Variants in MCPH1 observed in about 807,000 individuals in gnomAD.
MCPH1 encodes the protein microcephalin 1, also known as microcephalin.
A neutral mutation model predicts 84.5 loss-of-function variants in MCPH1; 104 were observed. That is an observed-to-expected ratio of 1.23 (90% CI 1.05 to 1.45). The LOEUF (loss-of-function observed/expected upper bound fraction) is 1.45. MCPH1 is among the 40% of genes most tolerant of loss of function. The pLI is 0.00. For missense variants in MCPH1, 1,498 were observed against 1,005.7 expected, an observed-to-expected ratio of 1.49 and a Z score of -6.62; for synonymous variants, 514 against 366.8, an observed-to-expected ratio of 1.40 and a Z score of -4.58.
chr8:6,590,340 C>T (rs1178699926), intron 12 of MCPH1, among the ~76,000 whole-genome samples: 1 of 152,120 alleles, frequency 6.6e-6, no homozygotes, highest in Non-Finnish European at 1.5e-5. Context: ...TCACCTCATG[C>T]ATGAAGTGAA....
At chr8:6,632,231 G>A (rs372658192) in intron 13 of MCPH1, among the ~76,000 whole-genome samples, 76 of 152,260 alleles carry the variant, frequency 5.0e-4, no homozygotes, top group African/African-American at 1.8e-3. Flanking sequence ...ACTCAGTTTT[G>A]GATAATGAGA....
chr8:6,480,694 T>A lies in MCPH1; in HGVS notation c.1974-20T>A, dbSNP rs1459974392. On this transcript the variant is annotated intron_variant, in intron 10 of 13. Transcript: ENST00000344683. Reference sequence around the variant, plus strand: ...GCAACAAAGTCATTCATTTTGTTAATTTTTCCCCCGATTTGACAGAAAGCA... The same window carrying A: ...GCAACAAAGTCATTCATTTTGTTAAATTTTCCCCCGATTTGACAGAAAGCA... The A allele has an allele frequency of 6.2e-7, 1 of 1,613,872 alleles. No individual in the cohort carries two copies.
At chr8:6,599,143 G>A (rs1360575587) in intron 12 of MCPH1, among the ~76,000 whole-genome samples, 1 of 152,218 alleles carries the variant, frequency 6.6e-6, no homozygotes, top group Non-Finnish European at 1.5e-5. Context: ...TCATGAGTAG[G>A]AAGTCCTCTT....
chr8:6,586,403 C>G (rs1294979194), intron 12 of MCPH1, among the ~76,000 whole-genome samples: 3 of 152,190 alleles, frequency 2.0e-5, no homozygotes. Flanking sequence ...TCCCCAGGGT[C>G]CGCGCTCTGT....
At chr8:6,598,180 G>T (rs2922851) in intron 12 of MCPH1, among the ~76,000 whole-genome samples, 58,531 of 152,074 alleles carry the variant, frequency 0.38, 12,292 homozygotes, top group African/African-American at 0.54. Context: ...CGGTCAATCA[G>T]AGTGAGCACC....
intron 12 of MCPH1, among the ~76,000 whole-genome samples, chr8:6,617,617 A>G (rs944778762): frequency 2.6e-5 from 4 of 151,024 alleles, no homozygotes; most frequent in African/African-American, 7.3e-5. Context: ...GGGTGTGTGC[A>G]TGTGTGTGTG....
intron 11 of MCPH1, 58 bp downstream of exon 11, chr8:6,480,934 A>G: frequency 6.3e-7 from 1 of 1,591,994 alleles, no homozygotes; most frequent in South Asian, 1.1e-5. Context: ...AGAGTGGGTC[A>G]CCCTGAGGTG....
Position 6,609,825 on chromosome 8 carries a change from C to CT in MCPH1, c.2215-11629_2215-11628insT, listed in dbSNP as rs1554476406. The stretch of plus-strand genomic sequence containing the variant: ...TATCAAAGCAATGCCCCCCGCCCCC[C>CT]CCCCACACACAGACTGCCAGGTAAA... On this transcript the variant is annotated intron_variant, in intron 12 of 13. Transcript: ENST00000344683. Among the ~76,000 whole-genome samples the CT allele has an allele frequency of 5.4e-5, 7 of 128,812 alleles. 1 individual carries two copies. The highest frequency in any genetic ancestry group is 1.3e-4 in the Non-Finnish European group (7 of 53,874). The allele number at this position is 128,812 out of a possible 152,430, so 84.5% of individuals were successfully genotyped here. A position where few individuals can be genotyped will look rare whatever the true frequency, so the allele number is the denominator to read the frequency against.
At chr8:6,488,230 C>T (rs903462544) in intron 11 of MCPH1, among the ~76,000 whole-genome samples, 1 of 152,244 alleles carries the variant, frequency 6.6e-6, no homozygotes, top group Non-Finnish European at 1.5e-5. Flanking sequence ...CTGTCTGCTG[C>T]TCCTGGCAAG....
At chr8:6,447,675 G>C (rs922490132) in intron 8 of MCPH1, among the ~76,000 whole-genome samples, 1 of 151,894 alleles carries the variant, frequency 6.6e-6, no homozygotes, top group Non-Finnish European at 1.5e-5. Context: ...TCAGCCTCCC[G>C]AGTAACTGGG....
At chr8:6,551,354 C>G (rs1038112415) in intron 12 of MCPH1, among the ~76,000 whole-genome samples, 2 of 152,034 alleles carry the variant, frequency 1.3e-5, no homozygotes, top group Non-Finnish European at 2.9e-5. Flanking sequence ...GCTGCAACGC[C>G]TTCATGGCAC....
At chr8:6,452,984 G>A (rs1324214372) in intron 8 of MCPH1, among the ~76,000 whole-genome samples, 4 of 152,212 alleles carry the variant, frequency 2.6e-5, no homozygotes, top group Non-Finnish European at 5.9e-5. Flanking sequence ...TCAGCTGGGA[G>A]GTCTAGACAA....
chr8:6,419,187 ACG>A (rs58805975), intron 3 of MCPH1, among the ~76,000 whole-genome samples: 3,537 of 16,808 alleles, frequency 0.21, 138 homozygotes, highest in African/African-American at 0.27. Flanking sequence ...ACACACACAC[ACG>A]CATTTTTACC....
chr8:6,505,184 A>ATG (rs1813056516), intron 12 of MCPH1, among the ~76,000 whole-genome samples: 1 of 143,092 alleles, frequency 7.0e-6, no homozygotes, highest in Admixed American at 7.2e-5. Flanking sequence ...GAATATATAT[A>ATG]TATATATTCT....
At chr8:6,569,993 G>A (rs17077547) in intron 12 of MCPH1, among the ~76,000 whole-genome samples, 9,870 of 152,272 alleles carry the variant, frequency 0.065, 881 homozygotes, top group African/African-American at 0.2. Context: ...CATTAATGCA[G>A]AGCTGAATTC....
chr8:6,489,728 C>T (rs189474590), intron 11 of MCPH1, among the ~76,000 whole-genome samples: 58 of 152,246 alleles, frequency 3.8e-4, no homozygotes, highest in African/African-American at 1.3e-3. Context: ...CGAGCCTTCT[C>T]GTGTTGCCAA....
intron 12 of MCPH1, among the ~76,000 whole-genome samples, chr8:6,514,226 G>T (rs1003548614): frequency 6.6e-6 from 1 of 152,198 alleles, no homozygotes; most frequent in South Asian, 2.1e-4. Flanking sequence ...GTCTTACTCT[G>T]TTGCCCAGGC....
At chr8:6,457,281 T>C (rs1563236518) in intron 9 of MCPH1, among the ~76,000 whole-genome samples, 1 of 152,168 alleles carries the variant, frequency 6.6e-6, no homozygotes, top group Non-Finnish European at 1.5e-5. Flanking sequence ...GAAGAATCAC[T>C]CAAAGCAGGT....
At position 6,645,443 on chromosome 8, in the gene MCPH1, G is replaced by A. The variant is rs978797230; in HGVS notation, c.*2394G>A. The A allele has an allele frequency of 2.0e-5, 3 of 151,996 alleles. No individual in the cohort carries two copies. The highest frequency in any genetic ancestry group is 4.4e-5 in the Non-Finnish European group (3 of 67,998). 9.4% of individuals were successfully genotyped at this position (151,996 alleles called of 1,614,324 possible). A position where few individuals can be genotyped will look rare whatever the true frequency, so the allele number is the denominator to read the frequency against. ...GGATTCTGAATTTTAAAAAAAATTT[G>A]TAAAGGCTTATGGCTCTCACCACTG... On this transcript the variant is annotated 3_prime_UTR_variant, in exon 14 of 14. Coordinates refer to ENST00000344683, the MANE Select transcript of MCPH1 (RefSeq NM_024596.5).
Sources: gnomAD v4.1 joint callset for allele counts (sites outside exome capture counted in the v4.1 genomes callset) on GRCh38, gnomAD v4.1.1 for gene constraint, MANE v1.5 for transcripts, NCBI Gene and HGNC (gene_info 2026-07-23, HGNC 2026-07-21) for gene names.